PIWIL2: variants seen among roughly 807,000 people sequenced by gnomAD.
PIWIL2 encodes piwi-like protein 2.
In PIWIL2, 81 loss-of-function variants were observed where a neutral mutation model predicts 116.5. The observed-to-expected ratio is 0.70, with a 90% CI of 0.58 to 0.84. The LOEUF (loss-of-function observed/expected upper bound fraction) is 0.84, where lower values mean the gene tolerates loss of function less well. PIWIL2 is among the 40% of genes least tolerant of loss of function. The pLI is 0.00. For synonymous variants in PIWIL2, 489 were observed against 429.5 expected, an observed-to-expected ratio of 1.14 and a Z score of -1.71; for missense variants, 1,272 against 1,212.3, an observed-to-expected ratio of 1.05 and a Z score of -0.73.
At chr8:22,333,025 A>G (rs1364624333) in intron 20 of PIWIL2, among the ~76,000 whole-genome samples, 1 of 152,156 alleles carries the variant, frequency 6.6e-6, no homozygotes, top group Non-Finnish European at 1.5e-5. Context: ...AACAGTGCAT[A>G]TATCAGGAAG....
At chr8:22,304,250 T>C (rs770252883) in intron 11 of PIWIL2, 41 bp downstream of exon 11, 1 of 1,366,720 alleles carries the variant, frequency 7.3e-7, no homozygotes. Flanking sequence ...GGGTGGGGGT[T>C]GGATGTAGTC....
At chr8:22,318,075 A>ACT in intron 19 of PIWIL2, 95 bp from the exon 20 acceptor site, 1 of 708,338 alleles carries the variant, frequency 1.4e-6, no homozygotes, top group Non-Finnish European at 2.5e-6. Context: ...ATTGATTGGT[A>ACT]GAGAAACCTG....
At chr8:22,351,084 G>C (rs1206554155) in intron 20 of PIWIL2, among the ~76,000 whole-genome samples, 2 of 151,946 alleles carry the variant, frequency 1.3e-5, no homozygotes, top group African/African-American at 4.8e-5. Context: ...CTGGGTGGCA[G>C]AGATTTCAGT....
chr8:22,282,997 TA>T, intron 4 of PIWIL2, 36 bp from the exon 5 acceptor site: 1 of 1,524,360 alleles, frequency 6.6e-7, no homozygotes, highest in Non-Finnish European at 9.1e-7. Context: ...ATAGCTATTA[TA>T]AAAAACCCTG....
intron 20 of PIWIL2, among the ~76,000 whole-genome samples, chr8:22,338,691 AAAATAAATAAATAAATAAAT>A (rs71544880): frequency 6.7e-6 from 1 of 149,960 alleles, no homozygotes; most frequent in South Asian, 2.1e-4. Flanking sequence ...CTCCATCTCA[AAAATAAATAAATAAATAAAT>A]AAATAAATAA....
intron 10 of PIWIL2, among the ~76,000 whole-genome samples, chr8:22,300,659 A>G (rs116084147): frequency 0.014 from 2,160 of 152,308 alleles, 66 homozygotes; most frequent in African/African-American, 0.048. Flanking sequence ...TCTCACGAAT[A>G]CTTGGTGTAG....
At chr8:22,282,689 G>T (rs1430805084) in intron 4 of PIWIL2, among the ~76,000 whole-genome samples, 1 of 151,744 alleles carries the variant, frequency 6.6e-6, no homozygotes, top group Non-Finnish European at 1.5e-5. Context: ...CTCCCAGGCT[G>T]AAGTGATCCT....
chr8:22,295,987 G>A (rs1251005415), intron 10 of PIWIL2, among the ~76,000 whole-genome samples: 1 of 147,436 alleles, frequency 6.8e-6, no homozygotes, highest in Non-Finnish European at 1.5e-5. Context: ...CCGGCTGGCT[G>A]AACCATCACT....
intron 20 of PIWIL2, among the ~76,000 whole-genome samples, chr8:22,345,948 T>C (rs1218146606): frequency 6.6e-6 from 1 of 152,224 alleles, no homozygotes; most frequent in Non-Finnish European, 1.5e-5. Flanking sequence ...GGGGACTGAC[T>C]GCCAATGGGT....
intron 14 of PIWIL2, among the ~76,000 whole-genome samples, chr8:22,308,814 A>G (rs1831253291): frequency 6.6e-6 from 1 of 152,004 alleles, no homozygotes; most frequent in South Asian, 2.1e-4. Flanking sequence ...ATGCCTGGCT[A>G]ATTTTTGTAT....
At chr8:22,330,007 T>C (rs1235342865) in intron 20 of PIWIL2, among the ~76,000 whole-genome samples, 1 of 152,210 alleles carries the variant, frequency 6.6e-6, no homozygotes, top group Admixed American at 6.5e-5. Context: ...ATTTTTGTGT[T>C]AATTATTTAC....
At chr8:22,298,303 T>C (rs993610130) in intron 10 of PIWIL2, among the ~76,000 whole-genome samples, 6 of 151,920 alleles carry the variant, frequency 3.9e-5, no homozygotes, top group African/African-American at 9.7e-5. Flanking sequence ...TCAAATGATA[T>C]ACTTTCAAAA....
In PIWIL2 at chr8:22,290,276, G is replaced by A; in HGVS notation, c.1111G>A (p.Asp371Asn). Residue 371 changes from aspartate (D) to asparagine (N), a missense_variant, in exon 10 of 23, where the codon GAT becomes AAT. Asp to Asn is a conservative substitution (Grantham distance 23). Coordinates refer to ENST00000356766, the MANE Select transcript of PIWIL2 (RefSeq NM_018068.5). ...CTATGCAGCTAGCATCCGAAGGACA[G>A]ATGGAGGGCTCTTCCTGCTAGCTGA... ...PGYAASIRRT[D>N]GGLFLLADVS... 2.5e-6 allele frequency: 4 copies of A among 1,612,726 alleles called. No homozygotes were observed. The highest frequency in any genetic ancestry group is 3.4e-6 in the Non-Finnish European group (4 of 1,178,766).
chr8:22,357,373 G>C lies in PIWIL2; in HGVS notation c.*1868G>C, dbSNP rs1832509952. On this transcript the variant is annotated 3_prime_UTR_variant, in exon 23 of 23. Coordinates refer to ENST00000356766, the MANE Select transcript of PIWIL2 (RefSeq NM_018068.5). Reference sequence around the variant, plus strand: ...CAGATCAGTTTTCTGATTTTCCTTGGAAGCGTTTTGAATTTTTCTGTTGAA... The same window carrying C: ...CAGATCAGTTTTCTGATTTTCCTTGCAAGCGTTTTGAATTTTTCTGTTGAA... 1 of 152,100 alleles carries C rather than the reference G, an allele frequency of 6.6e-6. No homozygotes were observed. Among genetic ancestry groups the C allele is most frequent in the Non-Finnish European group, 1.5e-5 (1 of 68,022 alleles). 9.4% of individuals were successfully genotyped at this position (152,100 alleles called of 1,614,324 possible).
At chr8:22,331,490 A>G (rs1004097281) in intron 20 of PIWIL2, among the ~76,000 whole-genome samples, 6 of 152,146 alleles carry the variant, frequency 3.9e-5, no homozygotes, top group African/African-American at 1.4e-4. Context: ...AAATAAAAAT[A>G]AAAATGACTT....
chr8:22,288,713 A>T (rs756357431), intron 8 of PIWIL2, 47 bp downstream of exon 8: 2 of 1,532,340 alleles, frequency 1.3e-6, no homozygotes, highest in African/African-American at 1.4e-5. Context: ...TCAGTCTTGT[A>T]TTTACAGTAA....
chr8:22,308,173 C>T, intron 14 of PIWIL2, 100 bp downstream of exon 14: 1 of 983,922 alleles, frequency 1.0e-6, no homozygotes, highest in Non-Finnish European at 1.4e-6. Flanking sequence ...GAATGTTTGT[C>T]CATGTCATTT....
chr8:22,306,167 C>G (rs1586560979), intron 13 of PIWIL2, 151 bp downstream of exon 13: 10 of 625,758 alleles, frequency 1.6e-5, no homozygotes, highest in East Asian at 1.1e-4. Context: ...CCAGTTTTCT[C>G]CTCTGTAAAA....
At chr8:22,305,315 C>G (rs1358367317) in intron 12 of PIWIL2, among the ~76,000 whole-genome samples, 1 of 152,076 alleles carries the variant, frequency 6.6e-6, no homozygotes, top group Non-Finnish European at 1.5e-5. Context: ...GCCTCAGCCT[C>G]CTGAGTAGCT....
Sources: gnomAD v4.1 joint callset for allele counts (sites outside exome capture counted in the v4.1 genomes callset) on GRCh38, gnomAD v4.1.1 for gene constraint, MANE v1.5 for transcripts, NCBI Gene and HGNC (gene_info 2026-07-23, HGNC 2026-07-21) for gene names.